ATF7IP: variants seen among roughly 807,000 people sequenced by gnomAD.
ATF7IP encodes the protein activating transcription factor 7-interacting protein 1.
In ATF7IP, 23 loss-of-function variants were observed where a neutral mutation model predicts 106.4. The ratio of observed to expected loss-of-function variants is 0.22; its 90% confidence interval spans 0.16 to 0.31. ATF7IP has a LOEUF of 0.31. ATF7IP is among the 10% of genes least tolerant of loss of function. The pLI is 1.00. For missense variants in ATF7IP, 1,334 were observed against 1,524.3 expected, an observed-to-expected ratio of 0.88 and a Z score of 2.08; for synonymous variants, 542 against 539.0, an observed-to-expected ratio of 1.01 and a Z score of -0.08.
chr12:14,449,990 A>G (rs1430234165), intron 6 of ATF7IP, among the ~76,000 whole-genome samples: 2 of 151,732 alleles, frequency 1.3e-5, no homozygotes, highest in East Asian at 1.9e-4. Context: ...TATATTTTTT[A>G]TAGTTTATAG....
intron 10 of ATF7IP, among the ~76,000 whole-genome samples, chr12:14,473,035 TTTG>T (rs1327561771): frequency 6.6e-6 from 1 of 152,196 alleles, no homozygotes; most frequent in East Asian, 1.9e-4. Flanking sequence ...TATTTCTTGA[TTTG>T]TTGCTGTGTT....
chr12:14,454,366 T>C (rs1722353897), intron 6 of ATF7IP, among the ~76,000 whole-genome samples: 1 of 152,188 alleles, frequency 6.6e-6, no homozygotes, highest in South Asian at 2.1e-4. Flanking sequence ...CTCTATCAAG[T>C]TGAGGGTCCT....
chr12:14,443,691 G>A (rs7968616), intron 5 of ATF7IP, among the ~76,000 whole-genome samples: 6,555 of 152,242 alleles, frequency 0.043, 502 homozygotes, highest in African/African-American at 0.15. Context: ...AATAGATGTT[G>A]CTATTTAGAG....
intron 4 of ATF7IP, among the ~76,000 whole-genome samples, chr12:14,437,727 G>A (rs1433862911): frequency 6.6e-6 from 1 of 152,192 alleles, no homozygotes; most frequent in Non-Finnish European, 1.5e-5. Context: ...TATTCATTAA[G>A]TTAGTTTGTC....
intron 13 of ATF7IP, among the ~76,000 whole-genome samples, chr12:14,488,148 T>C (rs1365313218): frequency 6.6e-6 from 1 of 152,034 alleles, no homozygotes; most frequent in Admixed American, 6.6e-5. Context: ...GGTACCAAAA[T>C]CTGAATTAGG....
At chr12:14,433,549 A>G (rs1030109683) in intron 2 of ATF7IP, among the ~76,000 whole-genome samples, 1 of 151,720 alleles carries the variant, frequency 6.6e-6, no homozygotes, top group African/African-American at 2.4e-5. Flanking sequence ...GGGTGCCTGT[A>G]ATCCCAGCTA....
At chr12:14,480,628 G>A (rs1045057030) in intron 12 of ATF7IP, among the ~76,000 whole-genome samples, 4 of 152,186 alleles carry the variant, frequency 2.6e-5, no homozygotes, top group African/African-American at 9.6e-5. Context: ...AGGCCGAGAG[G>A]GCTTATGATT....
intron 4 of ATF7IP, 128 bp from the exon 5 acceptor site, chr12:14,438,002 G>A (rs1056124994): frequency 1.9e-5 from 15 of 791,994 alleles, no homozygotes; most frequent in African/African-American, 3.5e-5. Context: ...GCAGTGAGCC[G>A]AGATCCTGCC....
chr12:14,423,161 T>A (rs889146670), intron 1 of ATF7IP, among the ~76,000 whole-genome samples: 3 of 152,208 alleles, frequency 2.0e-5, no homozygotes, highest in Admixed American at 6.5e-5. Flanking sequence ...GCTTATGGAC[T>A]TTTGGCTTAG....
rs749147293 is a variant in ATF7IP at position 14,466,604 on chromosome 12, T to C, written c.2862+14T>C. On this transcript the variant is annotated intron_variant, in intron 10 of 14. Coordinates refer to ENST00000261168, the MANE Select transcript of ATF7IP (RefSeq NM_018179.5). ...AGCACATCACAGGTAAGATTTTTCC[T>C]TCTTCTTCAAAGTAAAATCCTAATT... is the stretch of plus-strand genomic sequence containing the variant. 8.2e-6 allele frequency: 13 copies of C among 1,577,256 alleles called. No homozygotes were observed. Among genetic ancestry groups the C allele is most frequent in the Non-Finnish European group, 1.1e-5 (13 of 1,162,594 alleles).
chr12:14,389,031 A>G (rs1015840860), intron 1 of ATF7IP, among the ~76,000 whole-genome samples: 2 of 152,212 alleles, frequency 1.3e-5, no homozygotes, highest in Non-Finnish European at 1.5e-5. Context: ...ATCAATTTAC[A>G]TAATGTTTCA....
chr12:14,424,645 C>T lies in ATF7IP; in HGVS notation c.730C>T (p.Pro244Ser), dbSNP rs773539453. Residue 244 changes from proline (P) to serine (S), a missense_variant, in exon 2 of 15, where the codon CCA becomes TCA. Physicochemically the swap from Pro to Ser is moderately conservative, Grantham distance 74 (BLOSUM62 -1). This residue lies in a region of ATF7IP where 438 missense variants were observed against 405.3 expected (regional missense o/e 1.08). Transcript: ENST00000261168. ...TTCTGTTGATCTGGCTTCTGGAGCA[C>T]CAGCTTCCACTGATCCAGCCTCTGA... ...ITSVDLASGA[P>S]ASTDPASDDL... 1 of 1,614,116 alleles carries T rather than the reference C, an allele frequency of 6.2e-7. No homozygotes were observed.
intron 1 of ATF7IP, among the ~76,000 whole-genome samples, chr12:14,378,968 T>A (rs569941010): frequency 1.4e-4 from 22 of 152,384 alleles, no homozygotes; most frequent in Non-Finnish European, 3.1e-4. Context: ...TGCTCCTGTG[T>A]GGCTTAGTTG....
chr12:14,454,379 C>T (rs536102210), intron 6 of ATF7IP, among the ~76,000 whole-genome samples: 76 of 152,146 alleles, frequency 5.0e-4, no homozygotes, highest in Non-Finnish European at 9.0e-4. Flanking sequence ...AGGGTCCTGC[C>T]TTTGGTCTCT....
intron 6 of ATF7IP, among the ~76,000 whole-genome samples, chr12:14,447,515 C>G (rs1943029468): frequency 6.6e-6 from 1 of 152,080 alleles, no homozygotes; most frequent in South Asian, 2.1e-4. Context: ...CTCCCAACAT[C>G]AGGAGTCCAT....
intron 2 of ATF7IP, among the ~76,000 whole-genome samples, chr12:14,431,038 A>G (rs571193283): frequency 1.3e-5 from 2 of 152,350 alleles, no homozygotes; most frequent in African/African-American, 2.4e-5. Flanking sequence ...ATAAAGTTCT[A>G]TAAAGTATAA....
At chr12:14,405,545 G>T (rs1175463818) in intron 1 of ATF7IP, among the ~76,000 whole-genome samples, 2 of 151,246 alleles carry the variant, frequency 1.3e-5, no homozygotes, top group Non-Finnish European at 2.9e-5. Context: ...CTCCGGAGTA[G>T]CTGGGACCAC....
Position 14,369,938 on chromosome 12 carries a change from CA to C in ATF7IP, c.-8+4112del, listed in dbSNP as rs765035954. On this transcript the variant is annotated intron_variant, in intron 1 of 14. Coordinates refer to ENST00000261168, the MANE Select transcript of ATF7IP (RefSeq NM_018179.5). ...AATTTTATGTAAGTCTGCATATGTT[CA>C]TTTTTTTTTTTTTTTGAGATGGAGT... 1.1e-3 allele frequency among the ~76,000 whole-genome samples: 162 copies of C among 149,942 alleles called. 1 individual carries two copies. The highest frequency in any genetic ancestry group is 5.3e-3 in the Admixed American group (79 of 15,026).
At chr12:14,394,870 A>G (rs903420664) in intron 1 of ATF7IP, 2 of 152,196 alleles carry the variant, frequency 1.3e-5, no homozygotes, top group African/African-American at 4.8e-5. Context: ...TGCAGACCTA[A>G]TAGTTGGCAG....
Sources: allele counts gnomAD v4.1 joint callset (sites outside exome capture counted in the v4.1 genomes callset), GRCh38; gene constraint gnomAD v4.1.1; regional missense constraint gnomAD v4.1.1; transcripts MANE v1.5; gene names NCBI Gene and HGNC (gene_info 2026-07-23, HGNC 2026-07-21).